The following POLR1C variants were observed in gnomAD, a reference collection of about 807,000 sequenced individuals.
The protein encoded by POLR1C is DNA-directed RNA polymerases I and III subunit RPAC1.
Under a neutral mutation model 38.3 loss-of-function variants are expected in POLR1C, and 42 were observed. The observed-to-expected ratio is 1.10, with a 90% CI of 0.86 to 1.42. POLR1C has a LOEUF of 1.42. Among genes scored for constraint, POLR1C ranks in the 40% most tolerant of loss-of-function variants. The pLI, the probability that POLR1C is intolerant of heterozygous loss-of-function variation, is 0.00. For missense variants in POLR1C, 507 were observed against 450.5 expected, an observed-to-expected ratio of 1.13 and a Z score of -1.14; for synonymous variants, 163 against 163.9, an observed-to-expected ratio of 0.99 and a Z score of 0.04.
At chr6:43,528,119 C>T in intron 8 of POLR1C, 1 of 1,566,818 alleles carries the variant, frequency 6.4e-7, no homozygotes. Context: ...AACCTGGCTG[C>T]CAGTTCATCC....
At chr6:43,545,791 A>G (rs1459460203) in intron 9 of POLR1C, among the ~76,000 whole-genome samples, 2 of 152,146 alleles carry the variant, frequency 1.3e-5, no homozygotes, top group African/African-American at 2.4e-5. Flanking sequence ...ATATAAAAAA[A>G]CCTATCTTTT....
intron 2 of POLR1C, among the ~76,000 whole-genome samples, chr6:43,517,733 C>G (rs1435025436): frequency 6.6e-6 from 1 of 151,722 alleles, no homozygotes; most frequent in Non-Finnish European, 1.5e-5. Context: ...CTCAATTGAG[C>G]CTTGAATGGT....
At chr6:43,528,129 C>A (rs1459725002) in intron 8 of POLR1C, 21 of 1,575,748 alleles carry the variant, frequency 1.3e-5, no homozygotes, top group Non-Finnish European at 1.8e-5. Flanking sequence ...CCAGTTCATC[C>A]ACCAAGAAGA....
At chr6:43,536,953 A>G (rs1794371467) in intron 9 of POLR1C, among the ~76,000 whole-genome samples, 1 of 150,884 alleles carries the variant, frequency 6.6e-6, no homozygotes, top group East Asian at 2.0e-4. Context: ...GCATTGAATA[A>G]TTGATTTTTG....
In POLR1C at chr6:43,538,965, T is replaced by C. The variant is rs541488697; in HGVS notation, c.*4+9606T>C. On this transcript the variant is annotated intron_variant, in intron 9 of 10. Transcript: ENST00000607635. ...AGGTCGGGGGTCAGGTAGCTGTAGG[T>C]CTTAGAAATGGCATCAAAGGTGGCC... 48 of 1,388,666 alleles carry C rather than the reference T, an allele frequency of 3.5e-5. No homozygotes were observed. In the Admixed American group the frequency reaches 5.5e-4, roughly 16 times the overall value. The allele number at this position is 1,388,666 out of a possible 1,614,324, so 86.0% of individuals were successfully genotyped here. A position where few individuals can be genotyped will look rare whatever the true frequency, so the allele number is the denominator to read the frequency against.
chr6:43,521,667 A>C, downstream of POLR1C: 1 of 341,062 alleles, frequency 2.9e-6, no homozygotes, highest in South Asian at 2.4e-5. Flanking sequence ...TGCTACAGGC[A>C]TGCACCACCA....
chr6:43,526,837 G>A, intron 8 of POLR1C: 1 of 1,349,852 alleles, frequency 7.4e-7, no homozygotes, highest in Non-Finnish European at 1.0e-6. Context: ...ACCTGTCTCT[G>A]GCCAGGTGAG....
chr6:43,517,206 G>A (rs771282133), intron 1 of POLR1C, 28 bp downstream of exon 1: 1 of 1,613,034 alleles, frequency 6.2e-7, no homozygotes, highest in Non-Finnish European at 8.5e-7. Flanking sequence ...GAGCTCGGGC[G>A]GGAGGAATGA....
chr6:43,545,303 A>C (rs923106066), intron 9 of POLR1C, among the ~76,000 whole-genome samples: 4 of 152,206 alleles, frequency 2.6e-5, no homozygotes, highest in African/African-American at 9.7e-5. Flanking sequence ...TATTCCCAGG[A>C]GAGTTTCACT....
intron 9 of POLR1C, chr6:43,546,579 C>T (rs745435024): frequency 2.5e-6 from 4 of 1,607,398 alleles, no homozygotes; most frequent in South Asian, 2.2e-5. Flanking sequence ...ACCTTATAAG[C>T]GCAAGCAAAT....
chr6:43,559,261 C>T (rs917997649), intron 10 of POLR1C, among the ~76,000 whole-genome samples: 3 of 152,310 alleles, frequency 2.0e-5, no homozygotes, highest in African/African-American at 7.2e-5. Context: ...CGTGCCACTG[C>T]ACTCCAGCCT....
At chr6:43,560,370 C>A in intron 10 of POLR1C, 1 of 1,481,228 alleles carries the variant, frequency 6.8e-7, no homozygotes, top group Non-Finnish European at 9.0e-7. Flanking sequence ...TATTACTTAG[C>A]AGTTATCAAC....
rs112742484 is a variant in POLR1C, at chr6:43,562,019, C to T, written c.*668C>T. 1.9e-4 allele frequency: 71 copies of T among 379,560 alleles called. 1 individual carries two copies. Among genetic ancestry groups the T allele is most frequent in the African/African-American group, 1.2e-3 (56 of 47,796 alleles). 23.5% of individuals were successfully genotyped at this position (379,560 alleles called of 1,614,324 possible). A position where few individuals can be genotyped will look rare whatever the true frequency, so the allele number is the denominator to read the frequency against. ...AACGTTGACTTTATGGAATAATAGA[C>T]GTGGATATCTGACGTTGGTATAACT... On this transcript the variant is annotated 3_prime_UTR_variant, in exon 11 of 11. Coordinates refer to the POLR1C transcript ENST00000607635.
chr6:43,543,432 G>A (rs113585625), intron 9 of POLR1C, among the ~76,000 whole-genome samples: 2,828 of 152,192 alleles, frequency 0.019, 35 homozygotes, highest in South Asian at 0.04. Flanking sequence ...CAACCTGGGC[G>A]ACAGGATAAG....
At chr6:43,555,665 G>T in intron 10 of POLR1C, 2 of 668,508 alleles carry the variant, frequency 3.0e-6, no homozygotes, top group South Asian at 3.9e-5. Context: ...TGTGTCATCT[G>T]CTTTCTTTGT....
rs147881448 is a variant in POLR1C, at chr6:43,549,341, G to A, written c.*5-1627G>A. ...AGTCTCCCAAAGTGTTGGGATTACA[G>A]GTGTGAGCCACCATGCCCGGCCAAG... On this transcript the variant is annotated intron_variant, in intron 9 of 10. Transcript: ENST00000607635. 4.4e-4 allele frequency: 317 copies of A among 719,416 alleles called. 2 individuals carry two copies. The African/African-American group carries it at 5.6e-3, about 13-fold the overall frequency. The allele number at this position is 719,416 out of a possible 1,614,324, so 44.6% of individuals were successfully genotyped here. A position where few individuals can be genotyped will look rare whatever the true frequency, so the allele number is the denominator to read the frequency against.
intron 9 of POLR1C, chr6:43,539,675 C>T: frequency 4.1e-6 from 4 of 967,988 alleles, no homozygotes; most frequent in Non-Finnish European, 4.7e-6. Flanking sequence ...GCCTCCAGGC[C>T]CCCCCACTGC....
At chr6:43,530,567 G>A, downstream of POLR1C, 5 of 1,198,886 alleles carry the variant, frequency 4.2e-6, no homozygotes, top group Non-Finnish European at 5.8e-6. Context: ...GATACACTTA[G>A]ATACATAATC....
At chr6:43,549,095 C>T (rs1795104687) in intron 9 of POLR1C, among the ~76,000 whole-genome samples, 1 of 152,130 alleles carries the variant, frequency 6.6e-6, no homozygotes, top group African/African-American at 2.4e-5. Flanking sequence ...GATGGAGTTT[C>T]GCTCGTTGCC....
Sources: gnomAD v4.1 joint callset for allele counts (sites outside exome capture counted in the v4.1 genomes callset) on GRCh38, gnomAD v4.1.1 for gene constraint, MANE v1.5 for transcripts, NCBI Gene and HGNC (gene_info 2026-07-23, HGNC 2026-07-21) for gene names.